The following CCAR1 variants were observed in gnomAD, a reference collection of about 807,000 sequenced individuals.
The protein encoded by CCAR1 is cell division cycle and apoptosis regulator protein 1.
Under a neutral mutation model 163.8 loss-of-function variants are expected in CCAR1, and 78 were observed. The ratio of observed to expected loss-of-function variants is 0.48; its 90% CI spans 0.40 to 0.57. The LOEUF is 0.57. Ranked by LOEUF, CCAR1 falls within the 20% of genes least tolerant of loss-of-function variation. CCAR1 has a pLI of 0.00. For synonymous variants in CCAR1, 443 were observed against 460.7 expected (o/e 0.96, Z 0.49); for missense variants, 1,019 against 1,365.2 (o/e 0.75, Z 4.00).
chr10:68,740,495 A>C, intron 4 of CCAR1, 134 bp from the exon 5 acceptor site: 5 of 714,346 alleles, frequency 7.0e-6, no homozygotes, highest in Non-Finnish European at 9.3e-6. Context: ...ACATAGTGAG[A>C]CCTCGTTTCT....
At chr10:68,777,448 C>T (rs934652910) in intron 19 of CCAR1, among the ~76,000 whole-genome samples, 4 of 151,948 alleles carry the variant, frequency 2.6e-5, no homozygotes, top group African/African-American at 4.8e-5. Context: ...TGTGGGAGGC[C>T]GAGGCGGGTG....
At chr10:68,736,307 CTATT>C (rs1329548445) in intron 2 of CCAR1, among the ~76,000 whole-genome samples, 6 of 142,214 alleles carry the variant, frequency 4.2e-5, no homozygotes, top group African/African-American at 1.6e-4. Flanking sequence ...CTAAATCAAG[CTATT>C]TAACGTGCAT....
intron 5 of CCAR1, among the ~76,000 whole-genome samples, chr10:68,740,891 A>G (rs1006839065): frequency 7.6e-5 from 10 of 132,060 alleles, no homozygotes; most frequent in African/African-American, 2.5e-4. Context: ...TATTTTATTT[A>G]TTTATTTATT....
chr10:68,788,786 G>A (rs1242559736), intron 23 of CCAR1, among the ~76,000 whole-genome samples: 1 of 151,976 alleles, frequency 6.6e-6, no homozygotes, highest in Non-Finnish European at 1.5e-5. Flanking sequence ...GCTCTGCAGG[G>A]ACCTTTACTT....
chr10:68,758,503 AGTGTGTGTGTGTGTGTGT>A (rs71028777), intron 15 of CCAR1, among the ~76,000 whole-genome samples: 18 of 124,610 alleles, frequency 1.4e-4, no homozygotes, highest in South Asian at 5.7e-4. Context: ...CATCCTGGGC[AGTGTGTGTGTGTGTGTGT>A]GTGTGTGTGT....
intron 6 of CCAR1, among the ~76,000 whole-genome samples, chr10:68,743,603 C>T (rs1389433790): frequency 3.4e-5 from 5 of 146,374 alleles, no homozygotes; most frequent in East Asian, 4.1e-4. Flanking sequence ...AGTGCAGTGG[C>T]GTGATCTCAC....
chr10:68,781,237 A>T (rs932395674), intron 19 of CCAR1, among the ~76,000 whole-genome samples: 12 of 151,618 alleles, frequency 7.9e-5, no homozygotes, highest in African/African-American at 2.7e-4. Context: ...TGTCTCCAAA[A>T]AAAAAGAAAA....
chr10:68,784,589 A>G (rs764501967), intron 19 of CCAR1, among the ~76,000 whole-genome samples: 2 of 151,984 alleles, frequency 1.3e-5, no homozygotes, highest in Non-Finnish European at 2.9e-5. Flanking sequence ...CTCACTTTTC[A>G]CCCAGGCTGA....
chr10:68,736,240 C>G (rs903116503), intron 2 of CCAR1, among the ~76,000 whole-genome samples: 1 of 151,926 alleles, frequency 6.6e-6, no homozygotes, highest in Non-Finnish European at 1.5e-5. Flanking sequence ...TACTTAATAC[C>G]AAAGTTTTAT....
At chr10:68,788,584 A>C (rs970738903) in intron 23 of CCAR1, among the ~76,000 whole-genome samples, 1 of 152,194 alleles carries the variant, frequency 6.6e-6, no homozygotes, top group Non-Finnish European at 1.5e-5. Context: ...TCCCGGATCC[A>C]AGTGATTCTC....
chr10:68,722,423 G>A (rs1589148490), intron 1 of CCAR1, 32 bp from the exon 2 acceptor site: 1 of 1,074,644 alleles, frequency 9.3e-7, no homozygotes, highest in Admixed American at 1.7e-5. Flanking sequence ...TAGCTTGGTT[G>A]GACTTTAAAA....
chr10:68,722,326 A>T (rs2055870776), intron 1 of CCAR1, 129 bp from the exon 2 acceptor site: 1 of 603,368 alleles, frequency 1.7e-6, no homozygotes. Context: ...TTTCTACTTA[A>T]CAGTTGTTAT....
chr10:68,730,929 G>A (rs76211868), intron 2 of CCAR1, among the ~76,000 whole-genome samples: 11,500 of 152,168 alleles, frequency 0.076, 1,244 homozygotes, highest in African/African-American at 0.24. Context: ...CTGGGCTCAA[G>A]CAGTCAGCTC....
chr10:68,779,464 G>A (rs1349196641), intron 19 of CCAR1, among the ~76,000 whole-genome samples: 3 of 151,670 alleles, frequency 2.0e-5, no homozygotes, highest in East Asian at 3.9e-4. Context: ...TCACCATGTT[G>A]GCCAGGCTGG....
At chr10:68,766,839 A>C (rs564726148) in intron 17 of CCAR1, among the ~76,000 whole-genome samples, 211 of 151,970 alleles carry the variant, frequency 1.4e-3, no homozygotes, top group African/African-American at 4.9e-3. Context: ...ATGCCTTTTC[A>C]TTGCTTGTTT....
intron 10 of CCAR1, among the ~76,000 whole-genome samples, chr10:68,751,921 T>G (rs1403613397): frequency 2.1e-5 from 2 of 94,726 alleles, no homozygotes; most frequent in Middle Eastern, 4.9e-3. Context: ...TTTGTTTTTG[T>G]TTTTTTTTTT....
Position 68,749,217 on chromosome 10 carries a change from G to T in CCAR1, c.908G>T (p.Gly303Val). The change falls in exon 9 of 25, where the codon GGA becomes GTA. Residue 303 changes from glycine to valine, a missense_variant. Physicochemically the swap from Gly to Val is moderately radical, Grantham distance 109. Coordinates refer to ENST00000265872, the MANE Select transcript of CCAR1 (RefSeq NM_018237.4). ...TTAGATCCCCCATCCCGATTTTCAG[G>T]AAGAAATGACAGAGGGGATCAAGTG... is the stretch of plus-strand genomic sequence containing the variant. ...RRLDPPSRFS[G>V]RNDRGDQVPN... is the part of the protein sequence containing the mutation. 6.2e-7 allele frequency: 1 copy of T among 1,613,538 alleles called. No homozygotes were observed. Among genetic ancestry groups the T allele is most frequent in the Non-Finnish European group, 8.5e-7 (1 of 1,179,882 alleles).
rs1459802928 is a variant in CCAR1 at position 68,771,405 on chromosome 10, G to A, written c.2498G>A (p.Gly833Asp). Residue 833 changes from glycine (G) to aspartate (D), a missense_variant, in exon 18 of 25, where the codon GGC becomes GAC. Transcript: ENST00000265872. ...DEPKPKRRKS[G>D]DDKDKKEDRD... ...CCAAAACCCAAACGGAGAAAATCAG[G>A]CGATGATAAAGATAAAAAAGAAGAT... 9 of 1,586,838 alleles carry A rather than the reference G, an allele frequency of 5.7e-6. No homozygotes were observed. Among genetic ancestry groups the A allele is most frequent in the Non-Finnish European group, 6.0e-6 (7 of 1,168,606 alleles).
chr10:68,755,487 C>T lies in CCAR1; in HGVS notation c.1576C>T (p.Arg526Cys). 2.5e-6 allele frequency: 4 copies of T among 1,614,094 alleles called. No individual in the cohort carries two copies. The highest frequency in any genetic ancestry group is 3.4e-6 in the Non-Finnish European group (4 of 1,179,960). The change falls in exon 13 of 25, where the codon CGT becomes TGT. Residue 526 changes from arginine to cysteine, a missense_variant. By Grantham distance (180) the Arg-to-Cys change is radical. This residue lies in a region of CCAR1 where 644 missense variants were observed against 904.4 expected (regional missense o/e 0.71). Coordinates refer to ENST00000265872, the MANE Select transcript of CCAR1 (RefSeq NM_018237.4). ...CTCTGTGTTGATTAAGACTGCTATTCGTTGTTGTAAGGCTCTGACAGGCAT... is the reference window on the plus strand; with the variant it reads ...CTCTGTGTTGATTAAGACTGCTATTTGTTGTTGTAAGGCTCTGACAGGCAT... ...DPSVLIKTAI[R>C]CCKALTGIDL...
Sources: gnomAD v4.1 joint callset for allele counts (sites outside exome capture counted in the v4.1 genomes callset) on GRCh38, gnomAD v4.1.1 for gene constraint, gnomAD v4.1.1 regional missense constraint, MANE v1.5 for transcripts, NCBI Gene and HGNC (gene_info 2026-07-23, HGNC 2026-07-21) for gene names.